Variants in GSG1L observed in about 807,000 individuals in gnomAD.
The protein encoded by GSG1L is GSG1 like, also known as germ cell-specific gene 1-like protein.
GSG1L carries 24 observed loss-of-function variants against 42.1 expected under a neutral mutation model. The observed-to-expected ratio is 0.57, with a 90% CI of 0.41 to 0.80. The LOEUF is 0.80. GSG1L is among the 30% of genes least tolerant of loss of function. The pLI, the probability that GSG1L is intolerant of heterozygous loss-of-function variation, is 0.00. For synonymous variants in GSG1L, 215 were observed against 203.5 expected, an observed-to-expected ratio of 1.06 and a Z score of -0.48; for missense variants, 445 against 472.2, an observed-to-expected ratio of 0.94 and a Z score of 0.53.
At chr16:27,871,581 G>A (rs545634371) in intron 3 of GSG1L, among the ~76,000 whole-genome samples, 1 of 152,284 alleles carries the variant, frequency 6.6e-6, no homozygotes, top group South Asian at 2.1e-4. Flanking sequence ...CAAGGCTACA[G>A]TGAGCCCCCT....
chr16:27,850,553 GA>G (rs1414127561), intron 3 of GSG1L: 1 of 455,786 alleles, frequency 2.2e-6, no homozygotes, highest in East Asian at 6.9e-5. Flanking sequence ...AGCAGAGCAG[GA>G]GGGACCAGCA....
intron 5 of GSG1L, among the ~76,000 whole-genome samples, chr16:27,827,070 C>A (rs1164656781): frequency 1.3e-5 from 2 of 152,216 alleles, no homozygotes; most frequent in Non-Finnish European, 2.9e-5. Context: ...GTCTTAACTT[C>A]TCTGAGCCTC....
chr16:28,034,587 C>T (rs1343161107), intron 1 of GSG1L, among the ~76,000 whole-genome samples: 1 of 152,016 alleles, frequency 6.6e-6, no homozygotes, highest in East Asian at 1.9e-4. Flanking sequence ...GGTCTGCATC[C>T]TTTGTTGGAC....
At chr16:28,012,229 C>T (rs1004052610) in intron 1 of GSG1L, among the ~76,000 whole-genome samples, 1 of 152,162 alleles carries the variant, frequency 6.6e-6, no homozygotes, top group Non-Finnish European at 1.5e-5. Flanking sequence ...CAGTCACGCC[C>T]CCCTCTGCCC....
At chr16:27,827,552 C>G (rs751845738) in intron 5 of GSG1L, among the ~76,000 whole-genome samples, 1 of 151,884 alleles carries the variant, frequency 6.6e-6, no homozygotes, top group Non-Finnish European at 1.5e-5. Flanking sequence ...CTGGGTGGAG[C>G]CAGGAGAGCA....
intron 5 of GSG1L, among the ~76,000 whole-genome samples, chr16:27,818,660 G>A (rs2083121293): frequency 1.3e-5 from 2 of 152,122 alleles, no homozygotes; most frequent in South Asian, 2.1e-4. Flanking sequence ...AGCAATTCAC[G>A]ATGGAATGAA....
At chr16:27,876,243 G>T (rs953325734) in intron 3 of GSG1L, among the ~76,000 whole-genome samples, 1 of 152,172 alleles carries the variant, frequency 6.6e-6, no homozygotes, top group Non-Finnish European at 1.5e-5. Context: ...ACAGGTGAAG[G>T]TGGCAGGGGT....
chr16:27,924,946 A>C (rs933664), intron 2 of GSG1L, among the ~76,000 whole-genome samples: 55,715 of 151,884 alleles, frequency 0.37, 10,389 homozygotes, highest in East Asian at 0.43. Flanking sequence ...GCAACACCGG[A>C]TCACACGCCT....
chr16:27,869,666 T>C (rs2083781577), intron 3 of GSG1L, among the ~76,000 whole-genome samples: 1 of 144,218 alleles, frequency 6.9e-6, no homozygotes, highest in African/African-American at 2.7e-5. Context: ...CCTCCATCTC[T>C]CTCTCTCTCC....
chr16:27,897,230 T>C (rs2084202301), intron 2 of GSG1L, among the ~76,000 whole-genome samples: 1 of 152,186 alleles, frequency 6.6e-6, no homozygotes, highest in Non-Finnish European at 1.5e-5. Context: ...TCCATATTGT[T>C]TCAAGGCACT....
chr16:27,856,526 G>C (rs992747348), intron 3 of GSG1L, among the ~76,000 whole-genome samples: 4 of 152,148 alleles, frequency 2.6e-5, no homozygotes, highest in Admixed American at 1.3e-4. Context: ...TGTTGCCCGG[G>C]ATGGTCTCAA....
intron 1 of GSG1L, among the ~76,000 whole-genome samples, chr16:27,996,374 A>G (rs1327783404): frequency 6.6e-6 from 1 of 152,240 alleles, no homozygotes; most frequent in Non-Finnish European, 1.5e-5. Context: ...GTGCAAAATT[A>G]CACAAGGTCA....
intron 1 of GSG1L, among the ~76,000 whole-genome samples, chr16:28,008,361 T>C (rs376445507): frequency 2.0e-5 from 3 of 152,342 alleles, no homozygotes; most frequent in African/African-American, 7.2e-5. Context: ...ATTACAGGCA[T>C]AAGCCACCAC....
Position 28,040,329 on chromosome 16 carries a change from T to C in GSG1L, c.349+22747A>G, listed in dbSNP as rs2086092231. Among the ~76,000 whole-genome samples the C allele has an allele frequency of 6.6e-6, 1 of 152,142 alleles. No individual in the cohort carries two copies. On this transcript the variant is annotated intron_variant, in intron 1 of 6. Transcript: ENST00000447459. The surrounding 1 kb of genome is among the most constrained non-coding windows in gnomAD (Gnocchi z 4.1). The stretch of plus-strand genomic sequence containing the variant: ...TTCCATTCTCAAGAGAAATGTCACC[T>C]CCCCAGAGGCCTCCCTCTTCTCAAT...
At chr16:27,824,662 A>G (rs1490848958) in intron 5 of GSG1L, among the ~76,000 whole-genome samples, 1 of 152,240 alleles carries the variant, frequency 6.6e-6, no homozygotes, top group Non-Finnish European at 1.5e-5. Context: ...CAAGTTATGA[A>G]TGTGTAAAGT....
At chr16:27,969,963 G>A (rs926608188) in intron 1 of GSG1L, among the ~76,000 whole-genome samples, 1 of 152,202 alleles carries the variant, frequency 6.6e-6, no homozygotes, top group African/African-American at 2.4e-5. Flanking sequence ...GACTAATGAT[G>A]TTGAGCATCT....
At position 27,791,485 on chromosome 16, in the gene GSG1L, G is replaced by T; in HGVS notation, c.899-18C>A. ...CTGGTGTCCTGCCAGGAGACAAGGC[G>T]GTCAGTGCTGAAAGCCACCTTCCTC... is the stretch of plus-strand genomic sequence containing the variant. On this transcript the variant is annotated intron_variant, in intron 6 of 6. Transcript: ENST00000447459. 6.9e-7 allele frequency: 1 copy of T among 1,447,836 alleles called. No homozygotes were observed. The highest frequency in any genetic ancestry group is 1.5e-5 in the South Asian group (1 of 65,778). The allele number at this position is 1,447,836 out of a possible 1,614,324, so 89.7% of individuals were successfully genotyped here.
chr16:28,017,423 G>C (rs1280578549), intron 1 of GSG1L, among the ~76,000 whole-genome samples: 5 of 152,220 alleles, frequency 3.3e-5, no homozygotes, highest in Non-Finnish European at 5.9e-5. Context: ...GTTATCTAAT[G>C]AAAGTAATAC....
At chr16:27,819,262 A>C (rs1320196904) in intron 5 of GSG1L, among the ~76,000 whole-genome samples, 1 of 148,096 alleles carries the variant, frequency 6.8e-6, no homozygotes, top group Non-Finnish European at 1.5e-5. Flanking sequence ...AAAAAAAAAA[A>C]CAGACCTCTA....
Sources: gnomAD v4.1 joint callset for allele counts (sites outside exome capture counted in the v4.1 genomes callset) on GRCh38, gnomAD v4.1.1 for gene constraint, Gnocchi (gnomAD v3.1) non-coding constraint, MANE v1.5 for transcripts, NCBI Gene and HGNC (gene_info 2026-07-23, HGNC 2026-07-21) for gene names.